Variants in PDGFC observed in about 807,000 individuals in gnomAD.
The protein encoded by PDGFC is platelet-derived growth factor C.
A neutral mutation model predicts 35.5 loss-of-function variants in PDGFC; 12 were observed. The ratio of observed to expected loss-of-function variants is 0.34; its 90% CI spans 0.22 to 0.55. PDGFC has a LOEUF of 0.55. PDGFC is among the 20% of genes least tolerant of loss of function. The pLI is 0.91. For synonymous variants in PDGFC, 159 were observed against 148.8 expected (o/e 1.07, Z -0.50); for missense variants, 322 against 412.4 (o/e 0.78, Z 1.90).
intron 3 of PDGFC, among the ~76,000 whole-genome samples, chr4:156,804,028 G>A (rs961862338): frequency 1.1e-4 from 16 of 151,988 alleles, no homozygotes; most frequent in African/African-American, 2.4e-5. Context: ...ATAAATACAA[G>A]TGCTAGAAAC....
intron 1 of PDGFC, among the ~76,000 whole-genome samples, chr4:156,887,994 C>T (rs927913678): frequency 2.1e-5 from 3 of 144,036 alleles, no homozygotes; most frequent in Non-Finnish European, 4.5e-5. Flanking sequence ...CAGAGTGAAA[C>T]CCCGTCTTAA....
At chr4:156,845,421 A>C (rs1009883457) in intron 2 of PDGFC, among the ~76,000 whole-genome samples, 2 of 151,822 alleles carry the variant, frequency 1.3e-5, no homozygotes, top group Non-Finnish European at 3.0e-5. Flanking sequence ...AGCCATGTGG[A>C]GAAAGAGTTG....
At chr4:156,918,145 T>C (rs1475400632) in intron 1 of PDGFC, among the ~76,000 whole-genome samples, 5 of 152,216 alleles carry the variant, frequency 3.3e-5, no homozygotes, top group Admixed American at 3.3e-4. Context: ...TGTCATTATA[T>C]TTTTGTCTCA....
chr4:156,934,916 C>T (rs986548812), intron 1 of PDGFC, among the ~76,000 whole-genome samples: 2 of 152,174 alleles, frequency 1.3e-5, no homozygotes, highest in African/African-American at 4.8e-5. Flanking sequence ...ATGTCATCTC[C>T]TATGATAATA....
At chr4:156,800,425 G>A (rs917735305) in intron 3 of PDGFC, among the ~76,000 whole-genome samples, 1 of 152,030 alleles carries the variant, frequency 6.6e-6, no homozygotes, top group African/African-American at 2.4e-5. Context: ...TGATTTCAAA[G>A]TAATATTAAG....
chr4:156,771,118 T>A (rs1174713382), intron 4 of PDGFC, among the ~76,000 whole-genome samples: 3 of 152,206 alleles, frequency 2.0e-5, no homozygotes, highest in African/African-American at 7.2e-5. Context: ...AGGGCTTCAA[T>A]TTTGAAAGTG....
At chr4:156,764,764 T>G (rs1434130448) in intron 5 of PDGFC, among the ~76,000 whole-genome samples, 2 of 152,202 alleles carry the variant, frequency 1.3e-5, no homozygotes, top group Admixed American at 1.3e-4. Flanking sequence ...TTTTGAAAAA[T>G]TTAGTGTGTC....
At chr4:156,786,030 G>A (rs991654792) in intron 3 of PDGFC, among the ~76,000 whole-genome samples, 7 of 151,882 alleles carry the variant, frequency 4.6e-5, no homozygotes, top group Non-Finnish European at 8.8e-5. Flanking sequence ...TTTCAGATAC[G>A]GTACTGTGAA....
At chr4:156,827,840 TCCATGGCAACCAAC>T (rs895303750) in intron 2 of PDGFC, among the ~76,000 whole-genome samples, 5 of 152,114 alleles carry the variant, frequency 3.3e-5, no homozygotes, top group African/African-American at 7.2e-5. Context: ...TAATATCCAA[TCCATGGCAACCAAC>T]TATAAACACC....
intron 1 of PDGFC, among the ~76,000 whole-genome samples, chr4:156,862,956 G>C (rs1729751644): frequency 6.6e-6 from 1 of 151,978 alleles, no homozygotes; most frequent in African/African-American, 2.4e-5. Flanking sequence ...GCCTCCCAAA[G>C]TACTTGGATT....
intron 3 of PDGFC, among the ~76,000 whole-genome samples, chr4:156,801,703 A>G (rs1210523796): frequency 6.6e-6 from 1 of 152,190 alleles, no homozygotes; most frequent in African/African-American, 2.4e-5. Flanking sequence ...TATGAATTCC[A>G]CTAATAAAGA....
intron 2 of PDGFC, among the ~76,000 whole-genome samples, chr4:156,825,286 C>G (rs765706816): frequency 1.3e-5 from 2 of 151,356 alleles, no homozygotes; most frequent in Non-Finnish European, 2.9e-5. Context: ...TGGTGACTCA[C>G]GTCTGTAATC....
chr4:156,869,984 T>TA lies in PDGFC; in HGVS notation c.119-19569dup, dbSNP rs548263563. On this transcript the variant is annotated intron_variant, in intron 1 of 5. Coordinates refer to ENST00000502773, the MANE Select transcript of PDGFC (RefSeq NM_016205.3). ...TTATTGTACATTTAACTCCCAAACT[T>TA]AAAAAAAAAACCCAGCTTTTTTTTA... Among the ~76,000 whole-genome samples, 161 of 148,598 alleles carry TA rather than the reference T, an allele frequency of 1.1e-3. 1 individual carries two copies. The South Asian group carries it at 0.019, about 17-fold the overall frequency.
rs2110982277 is a variant in PDGFC, at chr4:156,965,010, A to G, written c.118+5776T>C. On this transcript the variant is annotated intron_variant, in intron 1 of 5. Transcript: ENST00000502773. ...CAGAAAATGTAAGGCTATGCACAGCAATGACACTTAAAAGAGTAACCAGTT... is the reference window on the plus strand; with the variant it reads ...CAGAAAATGTAAGGCTATGCACAGCGATGACACTTAAAAGAGTAACCAGTT... Among the ~76,000 whole-genome samples the G allele has an allele frequency of 1.3e-5, 2 of 152,318 alleles. 1 individual carries two copies. The highest frequency in any genetic ancestry group is 3.9e-4 in the East Asian group (2 of 5,176).
chr4:156,808,342 A>C (rs1731829602), intron 3 of PDGFC, among the ~76,000 whole-genome samples: 3 of 152,076 alleles, frequency 2.0e-5, no homozygotes, highest in Non-Finnish European at 4.4e-5. Context: ...TATTATTTTT[A>C]CTATTACAAA....
At chr4:156,822,203 C>G (rs1732281748) in intron 2 of PDGFC, among the ~76,000 whole-genome samples, 1 of 151,674 alleles carries the variant, frequency 6.6e-6, no homozygotes, top group Non-Finnish European at 1.5e-5. Context: ...ACTAAAATTA[C>G]AAAAAATTAG....
chr4:156,825,584 TAATAATAATAAGAAGAAGAAG>T (rs1253071224), intron 2 of PDGFC, among the ~76,000 whole-genome samples: 37 of 90,204 alleles, frequency 4.1e-4, no homozygotes, highest in East Asian at 1.7e-3. Context: ...ATAATAATAA[TAATAATAATAAGAAGAAGAAG>T]AAGAAGAAGA....
At chr4:156,773,117 C>T (rs1578999504) in intron 3 of PDGFC, among the ~76,000 whole-genome samples, 2 of 151,990 alleles carry the variant, frequency 1.3e-5, no homozygotes, top group African/African-American at 2.4e-5. Context: ...TACCACCAAC[C>T]GTGAGGGATA....
At chr4:156,892,066 G>A (rs753195689) in intron 1 of PDGFC, among the ~76,000 whole-genome samples, 10 of 152,154 alleles carry the variant, frequency 6.6e-5, no homozygotes, top group Non-Finnish European at 1.2e-4. Flanking sequence ...CCTTGTGTAA[G>A]CTCTAAACAT....
Sources: allele counts gnomAD v4.1 joint callset (sites outside exome capture counted in the v4.1 genomes callset), GRCh38; gene constraint gnomAD v4.1.1; transcripts MANE v1.5; gene names NCBI Gene and HGNC (gene_info 2026-07-23, HGNC 2026-07-21).